The following STARD13 variants were observed in gnomAD, a reference collection of about 807,000 sequenced individuals.
The protein encoded by STARD13 is stAR-related lipid transfer protein 13.
STARD13 carries 62 observed loss-of-function variants against 106.4 expected under a neutral mutation model. The observed-to-expected ratio is 0.58, with a 90% confidence interval of 0.48 to 0.72. The LOEUF (loss-of-function observed/expected upper bound fraction) is 0.72, where lower values mean the gene tolerates loss of function less well. Ranked by LOEUF, STARD13 falls within the 30% of genes least tolerant of loss-of-function variation. The probability of loss-of-function intolerance (pLI) is 0.00; values close to 1 mark genes in which losing one functional copy is unlikely to be tolerated. For synonymous variants in STARD13, 565 were observed against 553.0 expected (o/e 1.02, Z -0.31); for missense variants, 1,387 against 1,424.0 (o/e 0.97, Z 0.42).
the STARD13 span, among the ~76,000 whole-genome samples, chr13:33,496,055 A>G: frequency 7.1e-6 from 1 of 141,768 alleles, no homozygotes; most frequent in African/African-American, 2.5e-5. Flanking sequence ...TAGTTAATAT[A>G]ATTATAGTTA....
chr13:33,276,424 G>A (rs964034034), intron 1 of STARD13, among the ~76,000 whole-genome samples: 1 of 152,172 alleles, frequency 6.6e-6, no homozygotes, highest in African/African-American at 2.4e-5. Context: ...CTATTTGAGT[G>A]AGAATCGTTG....
the STARD13 span, among the ~76,000 whole-genome samples, chr13:33,584,893 C>T: frequency 2.0e-5 from 3 of 152,042 alleles, no homozygotes; most frequent in Non-Finnish European, 4.4e-5. Flanking sequence ...CTTGCTCCTG[C>T]TCTGGCCATG....
At chr13:33,261,580 C>T (rs1366774340) in intron 1 of STARD13, among the ~76,000 whole-genome samples, 1 of 152,154 alleles carries the variant, frequency 6.6e-6, no homozygotes, top group Non-Finnish European at 1.5e-5. Flanking sequence ...AACTAGATAA[C>T]ATCTTTGGAC....
the STARD13 span, among the ~76,000 whole-genome samples, chr13:33,523,347 C>G: frequency 1.3e-5 from 2 of 152,102 alleles, no homozygotes; most frequent in Non-Finnish European, 2.9e-5. Flanking sequence ...TGAGTAATTT[C>G]TTAAATTATC....
the STARD13 span, among the ~76,000 whole-genome samples, chr13:33,406,784 G>A: frequency 6.6e-6 from 1 of 152,168 alleles, no homozygotes; most frequent in South Asian, 2.1e-4. Context: ...GACCCATAAA[G>A]GACCCTTGTT....
intron 1 of STARD13, among the ~76,000 whole-genome samples, chr13:33,175,197 C>G (rs779771603): frequency 3.9e-5 from 6 of 152,104 alleles, no homozygotes; most frequent in Non-Finnish European, 7.4e-5. Context: ...CTTTATTCTC[C>G]TCTTTCATTT....
chr13:33,122,270 C>T (rs1876451204), intron 7 of STARD13, among the ~76,000 whole-genome samples: 1 of 152,210 alleles, frequency 6.6e-6, no homozygotes, highest in South Asian at 2.1e-4. Context: ...GTGTGAGCCA[C>T]CATACCTGCC....
chr13:33,523,019 G>A, the STARD13 span, among the ~76,000 whole-genome samples: 131 of 152,202 alleles, frequency 8.6e-4, no homozygotes, highest in African/African-American at 2.9e-3. Flanking sequence ...TTATTATCAC[G>A]TGTGCTGAAT....
chr13:33,435,598 A>AAAATCTTACTAAATTACTAT, the STARD13 span, among the ~76,000 whole-genome samples: 2 of 152,210 alleles, frequency 1.3e-5, no homozygotes, highest in Non-Finnish European at 2.9e-5. Flanking sequence ...TCACAATTTA[A>AAAATCTTACTAAATTACTAT]AAATCTTACT....
At chr13:33,451,061 T>C in the STARD13 span, among the ~76,000 whole-genome samples, 1 of 152,030 alleles carries the variant, frequency 6.6e-6, no homozygotes, top group Non-Finnish European at 1.5e-5. Flanking sequence ...TTTTTATTTT[T>C]TGTAGATGGG....
chr13:33,337,837 C>G (rs1346701402), intron 1 of STARD13, among the ~76,000 whole-genome samples: 1 of 152,210 alleles, frequency 6.6e-6, no homozygotes, highest in East Asian at 1.9e-4. Context: ...GGGTCCAAGA[C>G]AGAATGAAAA....
the STARD13 span, among the ~76,000 whole-genome samples, chr13:33,381,796 A>G: frequency 2.0e-5 from 3 of 152,346 alleles, no homozygotes; most frequent in African/African-American, 7.2e-5. Flanking sequence ...CCTTGATTAT[A>G]TATTAAGGAT....
chr13:33,129,139 G>A lies in STARD13; in HGVS notation c.1538C>T (p.Thr513Ile), dbSNP rs200172507. ...AGGTTCCCCAACCAATGTATCATGA[G>A]TTTGCAGTTCAGGCAAGACATCTTT... ...WSKDVLPELQ[T>I]HDTLVGEPGL... Residue 513 changes from threonine to isoleucine, a missense_variant, in exon 5 of 14, where the codon ACT becomes ATT. By Grantham distance (89) the Thr-to-Ile change is moderately conservative. Transcript: ENST00000336934. The A allele has an allele frequency of 5.6e-6, 9 of 1,614,216 alleles. No homozygotes were observed. The highest frequency in any genetic ancestry group is 1.6e-4 in the Middle Eastern group (1 of 6,062).
intron 3 of STARD13, among the ~76,000 whole-genome samples, chr13:33,161,368 G>A (rs1040432699): frequency 6.6e-6 from 1 of 151,618 alleles, no homozygotes; most frequent in African/African-American, 2.4e-5. Flanking sequence ...AGGCTGGAGT[G>A]CAGTGGCACA....
chr13:33,595,563 G>A, the STARD13 span, among the ~76,000 whole-genome samples: 1 of 152,208 alleles, frequency 6.6e-6, no homozygotes, highest in Admixed American at 6.5e-5. Context: ...TTATACCTAA[G>A]TCTTTCTAAA....
the STARD13 span, among the ~76,000 whole-genome samples, chr13:33,447,232 C>T: frequency 2.0e-5 from 3 of 152,190 alleles, no homozygotes; most frequent in Non-Finnish European, 4.4e-5. Context: ...TAAAAACGTC[C>T]GTCTCTTGTA....
At chr13:33,358,122 G>A in the STARD13 span, among the ~76,000 whole-genome samples, 9 of 151,924 alleles carry the variant, frequency 5.9e-5, no homozygotes, top group Admixed American at 5.2e-4. Flanking sequence ...CTTAGCACCC[G>A]GGCCAGTGGC....
At chr13:33,392,933 G>A in the STARD13 span, among the ~76,000 whole-genome samples, 5,465 of 152,212 alleles carry the variant, frequency 0.036, 201 homozygotes, top group East Asian at 0.2. Context: ...GTAGAATTGC[G>A]CTTTGTTTAA....
intron 1 of STARD13, among the ~76,000 whole-genome samples, chr13:33,342,974 C>T (rs1267174924): frequency 6.6e-6 from 1 of 152,230 alleles, no homozygotes; most frequent in African/African-American, 2.4e-5. Context: ...TAAGTAGCTC[C>T]ACCCAGTTCC....
Sources: gnomAD v4.1 joint callset for allele counts (sites outside exome capture counted in the v4.1 genomes callset) on GRCh38, gnomAD v4.1.1 for gene constraint, MANE v1.5 for transcripts, NCBI Gene and HGNC (gene_info 2026-07-23, HGNC 2026-07-21) for gene names.